Variants in ROR2 observed in about 807,000 individuals in gnomAD.
ROR2 encodes the protein tyrosine-protein kinase transmembrane receptor ROR2.
In ROR2, 33 loss-of-function variants were observed where a neutral mutation model predicts 74.9. That is an observed-to-expected ratio of 0.44 (90% CI 0.33 to 0.59). The LOEUF (loss-of-function observed/expected upper bound fraction) is 0.59. Among genes scored for constraint, ROR2 ranks in the 20% least tolerant of loss-of-function variants. The probability of loss-of-function intolerance (pLI) is 0.02; values close to 1 mark genes in which losing one functional copy is unlikely to be tolerated. For missense variants in ROR2, 1,216 were observed against 1,313.8 expected, an observed-to-expected ratio of 0.93 and a Z score of 1.15; for synonymous variants, 586 against 558.7, an observed-to-expected ratio of 1.05 and a Z score of -0.69.
At chr9:91,766,119 G>C (rs10992085) in intron 2 of ROR2, among the ~76,000 whole-genome samples, 1 of 152,102 alleles carries the variant, frequency 6.6e-6, no homozygotes, top group East Asian at 1.9e-4. Context: ...CTGTGTCCAC[G>C]TCTTGGTGCC....
chr9:91,887,761 T>A (rs916223939), intron 1 of ROR2, among the ~76,000 whole-genome samples: 1 of 151,748 alleles, frequency 6.6e-6, no homozygotes, highest in Non-Finnish European at 1.5e-5. Context: ...CTCCAGCAGC[T>A]TCTTCTCTCC....
chr9:91,756,599 G>A (rs908490688), intron 3 of ROR2, among the ~76,000 whole-genome samples: 18 of 152,062 alleles, frequency 1.2e-4, no homozygotes, highest in African/African-American at 4.3e-4. Context: ...CCGTCCTGCA[G>A]TGTGGCCACT....
chr9:91,872,635 T>C (rs572196353), intron 1 of ROR2, among the ~76,000 whole-genome samples: 1 of 152,348 alleles, frequency 6.6e-6, no homozygotes, highest in South Asian at 2.1e-4. Flanking sequence ...ACACATTGCT[T>C]ATGAAGCAGC....
At chr9:91,845,779 G>A (rs781768109) in intron 1 of ROR2, among the ~76,000 whole-genome samples, 1 of 142,274 alleles carries the variant, frequency 7.0e-6, no homozygotes, top group African/African-American at 2.6e-5. Flanking sequence ...CTACTCAGCC[G>A]ACACAGGAGA....
At chr9:91,766,539 G>A (rs1826064947) in intron 2 of ROR2, among the ~76,000 whole-genome samples, 1 of 152,122 alleles carries the variant, frequency 6.6e-6, no homozygotes. Context: ...ATTCTCTAGG[G>A]GCCAAACATG....
intron 1 of ROR2, among the ~76,000 whole-genome samples, chr9:91,884,423 T>C (rs1830213195): frequency 6.7e-6 from 1 of 150,194 alleles, no homozygotes. Context: ...ATGACTTGTC[T>C]AATTGGCCTA....
chr9:91,799,619 G>A, intron 1 of ROR2, among the ~76,000 whole-genome samples: 1 of 152,198 alleles, frequency 6.6e-6, no homozygotes, highest in South Asian at 2.1e-4. Context: ...GCCAAGGCAG[G>A]AAACACAGCT....
In ROR2 at chr9:91,733,171, G is replaced by A. The variant is rs755825636; in HGVS notation, c.888C>T (p.Asp296=). 2.4e-5 allele frequency: 38 copies of A among 1,608,004 alleles called. No homozygotes were observed. The highest frequency in any genetic ancestry group is 1.6e-4 in the Middle Eastern group (1 of 6,062). Residue 296 remains aspartate, a synonymous_variant, in exon 6 of 9, where the codon GAC becomes GAT. Coordinates refer to ENST00000375708, the MANE Select transcript of ROR2 (RefSeq NM_004560.4). This position sits in a 1 kb window ranked among gnomAD's most constrained non-coding sequence, Gnocchi z 5.7. ...CEALPMPESP[D]AANCMRIGIP... is the part of the protein sequence containing the mutation. ...TGCCAATGCGCATGCAGTTGGCAGC[G>A]TCGGGGCTCTCAGGCATGGGCAGCG...
At chr9:91,769,048 G>A (rs7035950) in intron 2 of ROR2, among the ~76,000 whole-genome samples, 14,994 of 152,194 alleles carry the variant, frequency 0.099, 834 homozygotes, top group Middle Eastern at 0.15. Context: ...GCTTGGGATT[G>A]CGTGGCTGTG....
intron 2 of ROR2, among the ~76,000 whole-genome samples, chr9:91,760,332 C>T (rs1216524970): frequency 6.6e-6 from 1 of 152,112 alleles, no homozygotes; most frequent in African/African-American, 2.4e-5. Flanking sequence ...TACGTTTGGA[C>T]ATTAAGAAAA....
At chr9:91,804,503 G>A (rs979483947) in intron 1 of ROR2, among the ~76,000 whole-genome samples, 1 of 152,214 alleles carries the variant, frequency 6.6e-6, no homozygotes, top group Non-Finnish European at 1.5e-5. Context: ...CCCTGCGGCC[G>A]TCCTTGGAGA....
intron 1 of ROR2, among the ~76,000 whole-genome samples, chr9:91,848,917 A>G (rs1919105): frequency 0.041 from 6,214 of 152,302 alleles, 175 homozygotes; most frequent in Non-Finnish European, 0.065. Flanking sequence ...GGAGATTTTT[A>G]AAGCAATTAC....
intron 1 of ROR2, among the ~76,000 whole-genome samples, chr9:91,879,580 C>A (rs1830049238): frequency 6.6e-6 from 1 of 152,144 alleles, no homozygotes; most frequent in Non-Finnish European, 1.5e-5. Flanking sequence ...AATTCATAAA[C>A]CCTTCAACAC....
At chr9:91,939,902 AGG>A (rs1408248630) in intron 1 of ROR2, among the ~76,000 whole-genome samples, 1 of 152,310 alleles carries the variant, frequency 6.6e-6, no homozygotes, top group East Asian at 1.9e-4. Flanking sequence ...GGGACTGGGA[AGG>A]GCTGGATTAA....
chr9:91,815,119 T>C lies in ROR2; in HGVS notation c.98-39301A>G, dbSNP rs756787700. On this transcript the variant is annotated intron_variant, in intron 1 of 8. Transcript: ENST00000375708. ...CAAGTAATTTAATTCTTGTAGGGAA[T>C]TGAGGAGTCCTGCTTACTGAATGGG... Among the ~76,000 whole-genome samples, 6 of 152,238 alleles carry C rather than the reference T, an allele frequency of 3.9e-5. 1 individual carries two copies. Among genetic ancestry groups the C allele is most frequent in the South Asian group, 4.1e-4 (2 of 4,826 alleles).
At chr9:91,748,770 C>T (rs569643015) in intron 4 of ROR2, among the ~76,000 whole-genome samples, 148 of 152,324 alleles carry the variant, frequency 9.7e-4, no homozygotes, top group African/African-American at 3.5e-3. Flanking sequence ...TGGTGGCTCA[C>T]GCCTGCAATC....
intron 1 of ROR2, among the ~76,000 whole-genome samples, chr9:91,922,937 T>TC (rs1166005312): frequency 2.0e-5 from 3 of 151,808 alleles, no homozygotes; most frequent in Non-Finnish European, 4.4e-5. Flanking sequence ...CAAAGCCCTG[T>TC]CCTCCAACAG....
At chr9:91,949,082 G>A (rs963828946) in intron 1 of ROR2, among the ~76,000 whole-genome samples, 2 of 151,684 alleles carry the variant, frequency 1.3e-5, no homozygotes, top group Non-Finnish European at 2.9e-5. Context: ...GCCGGGCCCC[G>A]CCCCTCCCGC....
intron 1 of ROR2, among the ~76,000 whole-genome samples, chr9:91,918,688 G>T (rs1358376694): frequency 6.6e-6 from 1 of 152,260 alleles, no homozygotes; most frequent in Non-Finnish European, 1.5e-5. Flanking sequence ...CTGGTGAATT[G>T]TACGCTCCGA....
Sources: gnomAD v4.1 joint callset for allele counts (sites outside exome capture counted in the v4.1 genomes callset) on GRCh38, gnomAD v4.1.1 for gene constraint, Gnocchi (gnomAD v3.1) non-coding constraint, MANE v1.5 for transcripts, NCBI Gene and HGNC (gene_info 2026-07-23, HGNC 2026-07-21) for gene names.